ZNF385B: variants seen among roughly 807,000 people sequenced by gnomAD.
ZNF385B encodes the protein zinc finger protein 385B, also known as zinc finger protein 533.
ZNF385B carries 23 observed loss-of-function variants against 39.2 expected under a neutral mutation model. The ratio of observed to expected loss-of-function variants is 0.59; its 90% CI spans 0.42 to 0.83. The LOEUF (loss-of-function observed/expected upper bound fraction) is 0.83. ZNF385B is among the 40% of genes least tolerant of loss of function. ZNF385B has a pLI of 0.00. For synonymous variants in ZNF385B, 205 were observed against 222.6 expected (o/e 0.92, Z 0.70); for missense variants, 552 against 598.9 (o/e 0.92, Z 0.82).
chr2:179,615,370 A>G (rs550705438), intron 3 of ZNF385B, among the ~76,000 whole-genome samples: 39 of 152,316 alleles, frequency 2.6e-4, no homozygotes, highest in Non-Finnish European at 4.0e-4. Context: ...CAGCAGGAGA[A>G]GCAATATCCC....
chr2:179,607,028 C>T (rs941482089), intron 3 of ZNF385B, among the ~76,000 whole-genome samples: 2 of 151,968 alleles, frequency 1.3e-5, no homozygotes, highest in East Asian at 1.9e-4. Flanking sequence ...CTGGATTTAT[C>T]GATCCAGATT....
intron 3 of ZNF385B, among the ~76,000 whole-genome samples, chr2:179,724,452 AT>A (rs1700880144): frequency 6.6e-6 from 1 of 152,216 alleles, no homozygotes; most frequent in Non-Finnish European, 1.5e-5. Flanking sequence ...TCTCAAAAAT[AT>A]TTTAGTTATG....
chr2:179,541,156 C>T (rs536790198), intron 4 of ZNF385B, among the ~76,000 whole-genome samples: 17 of 152,296 alleles, frequency 1.1e-4, no homozygotes, highest in East Asian at 3.9e-4. Context: ...ATTCAAACTC[C>T]GTCTTCCTTA....
At chr2:179,709,113 T>A (rs551583482) in intron 3 of ZNF385B, among the ~76,000 whole-genome samples, 1 of 152,270 alleles carries the variant, frequency 6.6e-6, no homozygotes, top group East Asian at 1.9e-4. Context: ...AGGAGAACAA[T>A]GAACCTTTAT....
intron 1 of ZNF385B, among the ~76,000 whole-genome samples, chr2:179,834,853 CACA>C (rs780338470): frequency 4.7e-4 from 72 of 152,262 alleles, no homozygotes; most frequent in South Asian, 1.2e-3. Context: ...CTATGAAGGA[CACA>C]ACAACGCCCA....
intron 5 of ZNF385B, among the ~76,000 whole-genome samples, chr2:179,496,874 C>T (rs1243839494): frequency 6.6e-6 from 1 of 152,122 alleles, no homozygotes; most frequent in Non-Finnish European, 1.5e-5. Flanking sequence ...CATGGCAAAA[C>T]CTTGTCTCTA....
At chr2:179,570,940 T>C (rs1451236350) in intron 3 of ZNF385B, among the ~76,000 whole-genome samples, 1 of 152,238 alleles carries the variant, frequency 6.6e-6, no homozygotes, top group Non-Finnish European at 1.5e-5. Context: ...ATTTTATTTT[T>C]AATGTACTAG....
intron 1 of ZNF385B, among the ~76,000 whole-genome samples, chr2:179,834,803 C>A (rs1002043913): frequency 6.6e-6 from 1 of 152,122 alleles, no homozygotes; most frequent in Non-Finnish European, 1.5e-5. Context: ...AGTTTAATAT[C>A]ATCAACAAAC....
intron 3 of ZNF385B, among the ~76,000 whole-genome samples, chr2:179,765,359 T>C (rs1273411850): frequency 6.6e-6 from 1 of 152,064 alleles, no homozygotes; most frequent in African/African-American, 2.4e-5. Context: ...TTTCAGGCAG[T>C]ATGGAGTGAC....
At chr2:179,658,859 C>G in intron 3 of ZNF385B, among the ~76,000 whole-genome samples, 1 of 152,144 alleles carries the variant, frequency 6.6e-6, no homozygotes, top group East Asian at 1.9e-4. Context: ...CTCACCGCAA[C>G]TTTCGCCTCC....
At chr2:179,692,911 C>A (rs979544331) in intron 3 of ZNF385B, among the ~76,000 whole-genome samples, 3 of 152,168 alleles carry the variant, frequency 2.0e-5, no homozygotes, top group Non-Finnish European at 2.9e-5. Flanking sequence ...CCTTTCAACT[C>A]CAGTACCCTA....
At chr2:179,735,582 C>T (rs75848739) in intron 3 of ZNF385B, among the ~76,000 whole-genome samples, 10,360 of 142,610 alleles carry the variant, frequency 0.073, 722 homozygotes, top group Admixed American at 0.2. Context: ...CACATGCACA[C>T]GTATGTTTAT....
At chr2:179,506,497 TAATA>T (rs1473652775) in intron 5 of ZNF385B, among the ~76,000 whole-genome samples, 2 of 152,152 alleles carry the variant, frequency 1.3e-5, no homozygotes, top group South Asian at 4.1e-4. Flanking sequence ...GTGGTATAAT[TAATA>T]GTTATCTAAA....
chr2:179,633,402 T>G (rs898760499), intron 3 of ZNF385B, among the ~76,000 whole-genome samples: 2 of 152,036 alleles, frequency 1.3e-5, no homozygotes, highest in Non-Finnish European at 2.9e-5. Flanking sequence ...GTTCAACATA[T>G]GCAAATCAAT....
chr2:179,817,731 CTG>C (rs1445773497), intron 1 of ZNF385B, among the ~76,000 whole-genome samples: 1 of 151,190 alleles, frequency 6.6e-6, no homozygotes, highest in Non-Finnish European at 1.5e-5. Context: ...ACATGACTGG[CTG>C]TGTGTGTGTC....
chr2:179,650,328 A>T (rs906727093), intron 3 of ZNF385B, among the ~76,000 whole-genome samples: 18 of 152,184 alleles, frequency 1.2e-4, no homozygotes, highest in African/African-American at 4.3e-4. Context: ...ATAAATTCTA[A>T]TTTACATTTA....
rs557422094 is a variant in ZNF385B, at chr2:179,622,743, G to T, written c.299-77774C>A. The stretch of plus-strand genomic sequence containing the variant: ...ATCACATTGGAGTGTGGTCTGGCAT[G>T]AATTTCTGTAACTGGCATTGTCAAC... On this transcript the variant is annotated intron_variant, in intron 3 of 9. Coordinates refer to ENST00000410066, the MANE Select transcript of ZNF385B (RefSeq NM_152520.6). 7.6e-4 allele frequency among the ~76,000 whole-genome samples: 115 copies of T among 152,286 alleles called. 2 individuals are homozygous for T. The South Asian group carries it at 0.017, about 22-fold the overall frequency.
chr2:179,792,041 C>T (rs775724687), intron 1 of ZNF385B, among the ~76,000 whole-genome samples: 1 of 152,132 alleles, frequency 6.6e-6, no homozygotes, highest in Non-Finnish European at 1.5e-5. Flanking sequence ...GGATTACAGA[C>T]ATGAGCCACC....
intron 1 of ZNF385B, among the ~76,000 whole-genome samples, chr2:179,788,105 T>C (rs1183283095): frequency 6.6e-6 from 1 of 152,244 alleles, no homozygotes; most frequent in South Asian, 2.1e-4. Flanking sequence ...GTGTAACTTA[T>C]GACACTAACG....
Sources: allele counts gnomAD v4.1 joint callset (sites outside exome capture counted in the v4.1 genomes callset), GRCh38; gene constraint gnomAD v4.1.1; transcripts MANE v1.5; gene names NCBI Gene and HGNC (gene_info 2026-07-23, HGNC 2026-07-21).